Variants in PTPRD observed in about 807,000 individuals in gnomAD.
The protein encoded by PTPRD is receptor-type tyrosine-protein phosphatase delta.
In PTPRD, 34 loss-of-function variants were observed where a neutral mutation model predicts 214.5. The observed-to-expected ratio is 0.16, with a 90% CI of 0.12 to 0.21. The LOEUF is 0.21. Ranked by LOEUF, PTPRD falls within the 10% of genes least tolerant of loss-of-function variation. The pLI, the probability that PTPRD is intolerant of heterozygous loss-of-function variation, is 1.00. For missense variants in PTPRD, 2,545 were observed against 2,398.7 expected, an observed-to-expected ratio of 1.06 and a Z score of -1.27; for synonymous variants, 1,128 against 845.7, an observed-to-expected ratio of 1.33 and a Z score of -5.79.
intron 14 of PTPRD, among the ~76,000 whole-genome samples, chr9:8,575,996 G>T (rs1484231696): frequency 6.6e-6 from 1 of 152,174 alleles, no homozygotes; most frequent in Non-Finnish European, 1.5e-5. Flanking sequence ...ATTTACAAAT[G>T]AGATAGTCCT....
At chr9:8,755,645 C>A (rs553683966) in intron 11 of PTPRD, among the ~76,000 whole-genome samples, 2 of 151,942 alleles carry the variant, frequency 1.3e-5, no homozygotes, top group East Asian at 3.9e-4. Context: ...TTACAGCAAT[C>A]AAAATTTAAA....
intron 10 of PTPRD, among the ~76,000 whole-genome samples, chr9:9,068,248 T>C (rs180791885): frequency 6.6e-6 from 1 of 152,296 alleles, no homozygotes; most frequent in East Asian, 1.9e-4. Context: ...CATTTACCCA[T>C]TGAAGTGGAC....
intron 10 of PTPRD, among the ~76,000 whole-genome samples, chr9:9,046,584 T>G (rs556780484): frequency 1.3e-5 from 2 of 152,248 alleles, no homozygotes; most frequent in African/African-American, 4.8e-5. Flanking sequence ...TAGGGAGGAA[T>G]GAAAACCAGT....
intron 33 of PTPRD, 197 bp downstream of exon 33, chr9:8,460,214 A>T (rs2096355946): frequency 2.9e-6 from 2 of 699,974 alleles, no homozygotes; most frequent in Non-Finnish European, 4.8e-6. Context: ...AGTCTATACC[A>T]AAACTGAATA....
At chr9:9,353,595 A>G (rs2052391077) in intron 9 of PTPRD, among the ~76,000 whole-genome samples, 1 of 151,702 alleles carries the variant, frequency 6.6e-6, no homozygotes, top group South Asian at 2.1e-4. Context: ...ACCTTGTCTT[A>G]CGTATATATT....
At chr9:10,034,878 G>T (rs1444950187) in intron 3 of PTPRD, among the ~76,000 whole-genome samples, 1 of 152,098 alleles carries the variant, frequency 6.6e-6, no homozygotes, top group Admixed American at 6.6e-5. Flanking sequence ...GAATAGTGCT[G>T]CAGTGAACAT....
intron 3 of PTPRD, among the ~76,000 whole-genome samples, chr9:10,303,851 C>T (rs2095955235): frequency 6.6e-6 from 1 of 152,104 alleles, no homozygotes; most frequent in Non-Finnish European, 1.5e-5. Flanking sequence ...GGAGCTGGTA[C>T]CTTTCTTTCT....
chr9:10,227,203 G>A (rs2099591706), intron 3 of PTPRD, among the ~76,000 whole-genome samples: 1 of 151,948 alleles, frequency 6.6e-6, no homozygotes, highest in Non-Finnish European at 1.5e-5. Flanking sequence ...TACTATTACT[G>A]TCATCTCCGG....
rs192074819 is a variant in PTPRD at position 10,251,146 on chromosome 9, A to C, written c.-545+89817T>G. 3.1e-3 allele frequency among the ~76,000 whole-genome samples: 476 copies of C among 152,250 alleles called. 2 individuals carry two copies. The highest frequency in any genetic ancestry group is 6.8e-3 in the Middle Eastern group (2 of 294). On this transcript the variant is annotated intron_variant, in intron 3 of 45. Coordinates refer to ENST00000381196, the MANE Select transcript of PTPRD (RefSeq NM_002839.4). ...GAAAAACAAAACATCCTATTAATTA[A>C]ATAACATGTTCAATTGATTAAATAA... is the stretch of plus-strand genomic sequence containing the variant.
intron 9 of PTPRD, among the ~76,000 whole-genome samples, chr9:9,359,296 G>T (rs942075820): frequency 6.6e-6 from 1 of 151,202 alleles, no homozygotes; most frequent in South Asian, 2.1e-4. Flanking sequence ...ATTTTTATTA[G>T]CTGAAGCTAT....
At chr9:10,273,808 T>G (rs1166974394) in intron 3 of PTPRD, among the ~76,000 whole-genome samples, 1 of 152,134 alleles carries the variant, frequency 6.6e-6, no homozygotes, top group East Asian at 1.9e-4. Flanking sequence ...CCATAAAGGT[T>G]AAAACACAAT....
chr9:8,348,472 A>T (rs2074488874), intron 39 of PTPRD, among the ~76,000 whole-genome samples: 1 of 151,858 alleles, frequency 6.6e-6, no homozygotes, highest in African/African-American at 2.4e-5. Context: ...ATCTCTTCAA[A>T]CTCTAAATAC....
At chr9:9,286,363 C>T (rs918300913) in intron 9 of PTPRD, among the ~76,000 whole-genome samples, 1 of 151,776 alleles carries the variant, frequency 6.6e-6, no homozygotes, top group African/African-American at 2.4e-5. Flanking sequence ...AAGACTAAAC[C>T]TCCTAGCATC....
chr9:8,645,911 C>T (rs1479017680), intron 12 of PTPRD, among the ~76,000 whole-genome samples: 1 of 152,048 alleles, frequency 6.6e-6, no homozygotes, highest in African/African-American at 2.4e-5. Flanking sequence ...GCCTCAGCCT[C>T]CTCTTCTGCC....
At chr9:9,395,471 C>A (rs776671447) in intron 9 of PTPRD, among the ~76,000 whole-genome samples, 1 of 152,042 alleles carries the variant, frequency 6.6e-6, no homozygotes, top group Non-Finnish European at 1.5e-5. Context: ...TGATATGCAA[C>A]CTGGTTTAAG....
intron 3 of PTPRD, among the ~76,000 whole-genome samples, chr9:10,285,958 C>A (rs1310234056): frequency 6.6e-6 from 1 of 151,940 alleles, no homozygotes; most frequent in Non-Finnish European, 1.5e-5. Context: ...GTACCAGACT[C>A]AATAGGATTA....
intron 10 of PTPRD, among the ~76,000 whole-genome samples, chr9:9,093,581 A>T (rs892345500): frequency 6.6e-6 from 1 of 152,016 alleles, no homozygotes; most frequent in Non-Finnish European, 1.5e-5. Flanking sequence ...CTTTCTAAGT[A>T]ATTCATGGGT....
At chr9:9,612,489 A>G (rs1469773983) in intron 7 of PTPRD, among the ~76,000 whole-genome samples, 3 of 152,162 alleles carry the variant, frequency 2.0e-5, no homozygotes, top group Non-Finnish European at 4.4e-5. Context: ...AGGTGTGCAT[A>G]TAAAAACTCA....
chr9:9,420,366 G>A (rs1310873595), intron 8 of PTPRD, among the ~76,000 whole-genome samples: 1 of 151,696 alleles, frequency 6.6e-6, no homozygotes, highest in East Asian at 1.9e-4. Context: ...AGGTAGTAAA[G>A]GATTTCTATG....
Sources: allele counts gnomAD v4.1 joint callset (sites outside exome capture counted in the v4.1 genomes callset), GRCh38; gene constraint gnomAD v4.1.1; transcripts MANE v1.5; gene names NCBI Gene and HGNC (gene_info 2026-07-23, HGNC 2026-07-21).